ZNHIT6: variants seen among roughly 807,000 people sequenced by gnomAD.
ZNHIT6 encodes zinc finger HIT-type containing 6, also known as box C/D snoRNA protein 1.
ZNHIT6 carries 45 observed loss-of-function variants against 57.2 expected under a neutral mutation model. The ratio of observed to expected loss-of-function variants is 0.79; its 90% CI spans 0.62 to 1.01. The LOEUF (loss-of-function observed/expected upper bound fraction) is 1.01. Ranked by LOEUF, ZNHIT6 falls within the 50% of genes least tolerant of loss-of-function variation. The probability of loss-of-function intolerance (pLI) is 0.00; values close to 1 mark genes in which losing one functional copy is unlikely to be tolerated. For synonymous variants in ZNHIT6, 188 were observed against 190.0 expected (o/e 0.99, Z 0.09); for missense variants, 528 against 567.3 (o/e 0.93, Z 0.70).
At chr1:85,670,498 A>G (rs769229045) in intron 8 of ZNHIT6, among the ~76,000 whole-genome samples, 1 of 152,174 alleles carries the variant, frequency 6.6e-6, no homozygotes, top group African/African-American at 2.4e-5. Flanking sequence ...TTAAGACTGA[A>G]CACTTACTGT....
intron 9 of ZNHIT6, among the ~76,000 whole-genome samples, chr1:85,655,548 A>G (rs1661037921): frequency 6.6e-6 from 1 of 152,226 alleles, no homozygotes; most frequent in African/African-American, 2.4e-5. Flanking sequence ...TTTTAGCAGT[A>G]TGGGACATTT....
chr1:85,691,909 C>T (rs1662232649), intron 5 of ZNHIT6, among the ~76,000 whole-genome samples: 1 of 152,122 alleles, frequency 6.6e-6, no homozygotes, highest in Non-Finnish European at 1.5e-5. Context: ...TGGTTCATGC[C>T]TGTAATCCCA....
In ZNHIT6 at chr1:85,701,941, G is replaced by GACACACAC. The variant is rs3059888; in HGVS notation, c.1019+208_1019+215dup. 3.9e-3 allele frequency among the ~76,000 whole-genome samples: 580 copies of GACACACAC among 150,392 alleles called. 4 individuals are homozygous for GACACACAC. Among genetic ancestry groups the GACACACAC allele is most frequent in the African/African-American group, 0.014 (560 of 41,000 alleles). ...TGAGAAGCTTCTCAAATGATATGAA[G>GACACACAC]ACACACACACACACACACACACACG... is the stretch of plus-strand genomic sequence containing the variant. On this transcript the variant is annotated intron_variant, in intron 5 of 9. Coordinates refer to ENST00000370574, the MANE Select transcript of ZNHIT6 (RefSeq NM_017953.4).
At chr1:85,706,009 TAAA>T (rs370671489) in intron 4 of ZNHIT6, 66 bp downstream of exon 4, 280 of 1,110,958 alleles carry the variant, frequency 2.5e-4, no homozygotes, top group Middle Eastern at 7.3e-4. Context: ...TTTGGTAAGT[TAAA>T]AAAAAAAAAA....
chr1:85,658,036 AAT>A, intron 8 of ZNHIT6, 65 bp from the exon 9 acceptor site: 2 of 1,104,370 alleles, frequency 1.8e-6, no homozygotes, highest in South Asian at 1.7e-5. Context: ...CTAATAGATA[AAT>A]ATATGAGAGT....
intron 5 of ZNHIT6, among the ~76,000 whole-genome samples, chr1:85,688,673 G>C (rs1047602108): frequency 2.6e-5 from 4 of 152,094 alleles, no homozygotes; most frequent in African/African-American, 7.2e-5. Context: ...GGACACAATG[G>C]CTCCAGACTG....
At chr1:85,667,961 A>AAAAAAAAAAAATAT in intron 8 of ZNHIT6, among the ~76,000 whole-genome samples, 17 of 18,200 alleles carry the variant, frequency 9.3e-4, no homozygotes, top group Non-Finnish European at 1.4e-3. Flanking sequence ...AAAAAAAAAA[A>AAAAAAAAAAAATAT]ATATATATAT....
At chr1:85,669,156 T>G (rs1005248146) in intron 8 of ZNHIT6, among the ~76,000 whole-genome samples, 3 of 152,080 alleles carry the variant, frequency 2.0e-5, no homozygotes, top group Non-Finnish European at 4.4e-5. Context: ...CATGTTCCAC[T>G]GGGGAGAGGT....
intron 8 of ZNHIT6, among the ~76,000 whole-genome samples, chr1:85,676,275 G>C (rs1661700026): frequency 6.6e-6 from 1 of 151,222 alleles, no homozygotes; most frequent in African/African-American, 2.4e-5. Context: ...GGCGGAGGTT[G>C]CGGTGAACCG....
chr1:85,686,945 T>G, intron 5 of ZNHIT6, among the ~76,000 whole-genome samples: 1 of 151,982 alleles, frequency 6.6e-6, no homozygotes, highest in Non-Finnish European at 1.5e-5. Context: ...CAACGGTATT[T>G]CTATCACAAT....
At chr1:85,689,382 A>G (rs1217078542) in intron 5 of ZNHIT6, among the ~76,000 whole-genome samples, 1 of 152,170 alleles carries the variant, frequency 6.6e-6, no homozygotes, top group Non-Finnish European at 1.5e-5. Flanking sequence ...TACCATGATA[A>G]GTGTTTTTTG....
intron 6 of ZNHIT6, 121 bp downstream of exon 6, chr1:85,680,715 A>G (rs2100682691): frequency 3.2e-6 from 2 of 619,826 alleles, no homozygotes; most frequent in Non-Finnish European, 5.4e-6. Flanking sequence ...TTAGCATTTC[A>G]TTGTATAAAT....
intron 8 of ZNHIT6, among the ~76,000 whole-genome samples, chr1:85,670,290 A>G (rs1029632236): frequency 1.3e-5 from 2 of 152,178 alleles, no homozygotes; most frequent in Non-Finnish European, 2.9e-5. Flanking sequence ...TACGTGCTAC[A>G]ATGGTAGAAT....
At chr1:85,669,698 C>T (rs1661497245) in intron 8 of ZNHIT6, among the ~76,000 whole-genome samples, 1 of 152,174 alleles carries the variant, frequency 6.6e-6, no homozygotes, top group Non-Finnish European at 1.5e-5. Flanking sequence ...AAAGTGAAGG[C>T]AATGGTTTAT....
chr1:85,667,985 T>TATATGC (rs1223836311), intron 8 of ZNHIT6, among the ~76,000 whole-genome samples: 111 of 99,614 alleles, frequency 1.1e-3, no homozygotes, highest in Non-Finnish European at 1.8e-3. Context: ...TATATATATA[T>TATATGC]GCTCTGCTTT....
intron 5 of ZNHIT6, among the ~76,000 whole-genome samples, chr1:85,684,060 A>G (rs1661956271): frequency 6.6e-6 from 1 of 152,188 alleles, no homozygotes; most frequent in African/African-American, 2.4e-5. Flanking sequence ...CATTAGAGCT[A>G]CTGTTCCCTA....
intron 5 of ZNHIT6, among the ~76,000 whole-genome samples, chr1:85,683,904 A>G (rs1661951622): frequency 6.6e-6 from 1 of 152,002 alleles, no homozygotes; most frequent in African/African-American, 2.4e-5. Flanking sequence ...CACCCTCTAG[A>G]TGAGTGTTCC....
intron 5 of ZNHIT6, among the ~76,000 whole-genome samples, chr1:85,701,941 GACACACAC>G (rs3059888): frequency 1.3e-5 from 2 of 150,396 alleles, no homozygotes; most frequent in Admixed American, 6.6e-5. Context: ...ATGATATGAA[GACACACAC>G]ACACACACAC....
At chr1:85,692,246 A>C (rs540929680) in intron 5 of ZNHIT6, among the ~76,000 whole-genome samples, 1 of 151,954 alleles carries the variant, frequency 6.6e-6, no homozygotes, top group Non-Finnish European at 1.5e-5. Context: ...GACTGGGAAA[A>C]GGCTTCCTTA....
Sources: gnomAD v4.1 joint callset for allele counts (sites outside exome capture counted in the v4.1 genomes callset) on GRCh38, gnomAD v4.1.1 for gene constraint, MANE v1.5 for transcripts, NCBI Gene and HGNC (gene_info 2026-07-23, HGNC 2026-07-21) for gene names.